BTRC: variants seen among roughly 807,000 people sequenced by gnomAD.
The protein encoded by BTRC is beta-transducin repeat containing E3 ubiquitin protein ligase, also known as F-box/WD repeat-containing protein 1A.
In BTRC, 42 loss-of-function variants were observed where a neutral mutation model predicts 85.5. That is an observed-to-expected ratio of 0.49 (90% CI 0.38 to 0.64). The LOEUF is 0.64. Among genes scored for constraint, BTRC ranks in the 30% least tolerant of loss-of-function variants. The pLI is 0.00. For missense variants in BTRC, 594 were observed against 743.5 expected (o/e 0.80, Z 2.34); for synonymous variants, 255 against 263.3 (o/e 0.97, Z 0.30).
chr10:101,400,225 G>A (rs1240262572), intron 1 of BTRC, among the ~76,000 whole-genome samples: 4 of 152,206 alleles, frequency 2.6e-5, no homozygotes, highest in Non-Finnish European at 5.9e-5. Context: ...CTGAAAATGA[G>A]TTTCTTCTTT....
chr10:101,475,948 T>TATATATATATATATATATAC (rs1564795659), intron 3 of BTRC, among the ~76,000 whole-genome samples: 2 of 132,278 alleles, frequency 1.5e-5, no homozygotes, highest in Non-Finnish European at 3.2e-5. Context: ...TATATATATA[T>TATATATATATATATATATAC]ATATATTCAG....
At chr10:101,528,877 T>C (rs558455412) in intron 6 of BTRC, among the ~76,000 whole-genome samples, 1 of 152,314 alleles carries the variant, frequency 6.6e-6, no homozygotes, top group East Asian at 1.9e-4. Flanking sequence ...TAATAAAGCT[T>C]TTATCTCTAA....
intron 1 of BTRC, among the ~76,000 whole-genome samples, chr10:101,367,670 G>T (rs182382214): frequency 5.3e-5 from 8 of 152,190 alleles, no homozygotes; most frequent in African/African-American, 1.9e-4. Flanking sequence ...ACTGTTATTG[G>T]TATGTAAGCT....
chr10:101,430,312 C>G (rs754630807), intron 1 of BTRC, 33 bp from the exon 2 acceptor site: 1 of 1,484,006 alleles, frequency 6.7e-7, no homozygotes, highest in Non-Finnish European at 9.4e-7. Flanking sequence ...CTGTCTCATA[C>G]TGTCCCATCT....
At chr10:101,547,818 G>C (rs1320639085) in intron 13 of BTRC, among the ~76,000 whole-genome samples, 2 of 152,264 alleles carry the variant, frequency 1.3e-5, no homozygotes, top group East Asian at 3.9e-4. Context: ...GACCAAGTGA[G>C]ATTTATGCCA....
intron 2 of BTRC, among the ~76,000 whole-genome samples, chr10:101,436,097 G>T (rs569189461): frequency 1.3e-5 from 2 of 152,170 alleles, no homozygotes; most frequent in South Asian, 2.1e-4. Flanking sequence ...TTAGTTTGAG[G>T]ATATTTTTAT....
In BTRC at chr10:101,394,661, A is replaced by C. The variant is rs150318482; in HGVS notation, c.49-35684A>C. 3.9e-5 allele frequency among the ~76,000 whole-genome samples: 6 copies of C among 152,270 alleles called. No homozygotes were observed. In the East Asian group the frequency reaches 1.2e-3, roughly 29 times the overall value. ...ATAAAGAAGTCCCTATTTCAGAGAG[A>C]GTAAGGGTTAAAATTCTTAGCAGTC... On this transcript the variant is annotated intron_variant, in intron 1 of 14. Transcript: ENST00000370187.
At position 101,532,383 on chromosome 10, in the gene BTRC, A is replaced by G. The variant is rs753738446; in HGVS notation, c.929A>G (p.Gln310Arg). ...SETSKGVYCL[Q>R]YDDQKIVSGL... ...ACAAGCAAAGGAGTTTACTGTTTAC[A>G]GTATGATGATCAGAAAATAGTAAGC... Residue 310 changes from glutamine to arginine, a missense_variant, in exon 8 of 15, where the codon CAG becomes CGG. By Grantham distance (43) the Gln-to-Arg change is conservative (BLOSUM62 1). Transcript: ENST00000370187. 4 of 1,613,808 alleles carry G rather than the reference A, an allele frequency of 2.5e-6. No homozygotes were observed. Among genetic ancestry groups the G allele is most frequent in the Non-Finnish European group, 3.4e-6 (4 of 1,179,968 alleles).
At chr10:101,446,765 A>C (rs1237993266) in intron 2 of BTRC, among the ~76,000 whole-genome samples, 1 of 152,198 alleles carries the variant, frequency 6.6e-6, no homozygotes, top group Non-Finnish European at 1.5e-5. Context: ...GTAAAAACTC[A>C]TTGAAGGCAT....
intron 6 of BTRC, among the ~76,000 whole-genome samples, chr10:101,528,341 G>C (rs1346255838): frequency 6.6e-6 from 1 of 152,176 alleles, no homozygotes; most frequent in Non-Finnish European, 1.5e-5. Context: ...CTTGGGATTG[G>C]CACTAAATGG....
chr10:101,516,968 A>G (rs2134350976), intron 4 of BTRC, among the ~76,000 whole-genome samples: 1 of 152,258 alleles, frequency 6.6e-6, no homozygotes, highest in Non-Finnish European at 1.5e-5. Flanking sequence ...AGAGTTTGGG[A>G]GGTTTTCATT....
chr10:101,433,648 A>G (rs1233874537), intron 2 of BTRC, among the ~76,000 whole-genome samples: 1 of 152,204 alleles, frequency 6.6e-6, no homozygotes, highest in Non-Finnish European at 1.5e-5. Flanking sequence ...AAGCTTGATC[A>G]CTGAGGTCTT....
chr10:101,551,141 A>G (rs780139307), intron 14 of BTRC: 1 of 353,164 alleles, frequency 2.8e-6, no homozygotes, highest in Non-Finnish European at 5.1e-6. Context: ...TTCCTGCCCT[A>G]GTTATCTAGT....
In BTRC at chr10:101,526,493, C is replaced by T. The variant is rs188443306; in HGVS notation, c.743+294C>T. ...TGTTATCTGGGCAGAAGTTGGTATC[C>T]TGTGGCTGGGCACAGTGCGTTCACG... On this transcript the variant is annotated intron_variant, in intron 6 of 14. Transcript: ENST00000370187. Among the ~76,000 whole-genome samples the T allele has an allele frequency of 2.1e-3, 316 of 152,336 alleles. 3 individuals carry two copies. The highest frequency in any genetic ancestry group is 7.1e-3 in the African/African-American group (294 of 41,576).
At chr10:101,382,421 T>G (rs1295325450) in intron 1 of BTRC, among the ~76,000 whole-genome samples, 2 of 152,212 alleles carry the variant, frequency 1.3e-5, no homozygotes, top group Admixed American at 1.3e-4. Context: ...TTGAAGAGTT[T>G]GAGGTAGTTT....
At chr10:101,428,874 C>T (rs571796238) in intron 1 of BTRC, among the ~76,000 whole-genome samples, 35 of 152,292 alleles carry the variant, frequency 2.3e-4, no homozygotes, top group African/African-American at 8.2e-4. Flanking sequence ...CTGTGCTGCC[C>T]AGGCTGGATT....
intron 1 of BTRC, among the ~76,000 whole-genome samples, chr10:101,410,701 CT>C (rs71016319): frequency 6.8e-4 from 103 of 151,846 alleles, no homozygotes; most frequent in African/African-American, 2.5e-3. Flanking sequence ...ATTGAGTTGT[CT>C]TTTTTTATTT....
chr10:101,436,470 C>T (rs976654818), intron 2 of BTRC, among the ~76,000 whole-genome samples: 1 of 152,042 alleles, frequency 6.6e-6, no homozygotes, highest in African/African-American at 2.4e-5. Context: ...CATAGTGAGA[C>T]CCTGTCTCTA....
chr10:101,486,586 G>A (rs1199658408), intron 4 of BTRC, among the ~76,000 whole-genome samples: 2 of 152,160 alleles, frequency 1.3e-5, no homozygotes, highest in Non-Finnish European at 2.9e-5. Context: ...GTGGGGAAAA[G>A]AGTGTGTGAA....
Sources: allele counts gnomAD v4.1 joint callset (sites outside exome capture counted in the v4.1 genomes callset), GRCh38; gene constraint gnomAD v4.1.1; transcripts MANE v1.5; gene names NCBI Gene and HGNC (gene_info 2026-07-23, HGNC 2026-07-21).